The following PHKA1 variants were observed in gnomAD, a reference collection of about 807,000 sequenced individuals.
The protein encoded by PHKA1 is phosphorylase kinase regulatory subunit alpha 1.
PHKA1 carries 60 observed loss-of-function variants against 110.2 expected under a neutral mutation model. The observed-to-expected ratio is 0.54, with a 90% confidence interval of 0.44 to 0.68. The LOEUF (loss-of-function observed/expected upper bound fraction) is 0.68, where lower values mean the gene tolerates loss of function less well. PHKA1 is among the 30% of genes least tolerant of loss of function. PHKA1 has a pLI of 0.00. For synonymous variants in PHKA1, 316 were observed against 333.6 expected, an observed-to-expected ratio of 0.95 and a Z score of 0.58; for missense variants, 801 against 942.5, an observed-to-expected ratio of 0.85 and a Z score of 1.97.
At chrX:72,617,842 TAA>T (rs201696827) in intron 21 of PHKA1, among the ~76,000 whole-genome samples, 2 of 88,215 alleles carry the variant, frequency 2.3e-5, no homozygotes, top group Non-Finnish European at 2.3e-5. Flanking sequence ...ATAAAAAAAA[TAA>T]AAAAAAAAAA....
rs782689323 is a variant in PHKA1 at position 72,667,513 on chromosome X, G to A, written c.619-40C>T. 4 of 1,019,250 alleles carry A rather than the reference G, an allele frequency of 3.9e-6. No homozygotes were observed. In the South Asian group the frequency reaches 7.7e-5, roughly 20 times the overall value. The allele number at this position is 1,019,250 out of a possible 1,213,427, so 84.0% of individuals were successfully genotyped here. A position where few individuals can be genotyped will look rare whatever the true frequency, so the allele number is the denominator to read the frequency against. ...AAAGAAATGGACAAGTTTAGCATTAGAAAGATATATATTTCTTCTCCCTAT... is the reference window on the plus strand; with the variant it reads ...AAAGAAATGGACAAGTTTAGCATTAAAAAGATATATATTTCTTCTCCCTAT... On this transcript the variant is annotated intron_variant, in intron 6 of 31. Coordinates refer to ENST00000373542, the MANE Select transcript of PHKA1 (RefSeq NM_002637.4).
Position 72,652,606 on chromosome X carries a change from T to C in PHKA1, c.1183A>G (p.Met395Val). ...QNPHTVDRVP[M>V]GKLPHMWGQS... Reference sequence around the variant, plus strand: ...CCCCACATGTGAGGCAATTTCCCCATGGGGACTCGGTCCACAGTGTGAGGA... The same window carrying C: ...CCCCACATGTGAGGCAATTTCCCCACGGGGACTCGGTCCACAGTGTGAGGA... The change falls in exon 12 of 32, where the codon ATG (methionine) becomes GTG (valine). Residue 395 changes from methionine to valine, a missense_variant. By Grantham distance (21) the Met-to-Val change is conservative. Coordinates refer to ENST00000373542, the MANE Select transcript of PHKA1 (RefSeq NM_002637.4). The C allele has an allele frequency of 8.4e-7, 1 of 1,195,734 alleles. No homozygotes were observed. Among genetic ancestry groups the C allele is most frequent in the Non-Finnish European group, 1.1e-6 (1 of 881,134 alleles).
intron 16 of PHKA1, among the ~76,000 whole-genome samples, chrX:72,633,578 G>A (rs1278375239): frequency 1.8e-5 from 2 of 110,958 alleles, no homozygotes; most frequent in East Asian, 2.8e-4. Flanking sequence ...ATCTGAGTTG[G>A]GTGTTGCTTA....
chrX:72,626,065 CA>C (rs2053059839), intron 17 of PHKA1, among the ~76,000 whole-genome samples: 1 of 109,252 alleles, frequency 9.2e-6, no homozygotes, highest in African/African-American at 3.3e-5. Flanking sequence ...CATGTGTGTA[CA>C]TGTGTGTATA....
chrX:72,669,306 C>A (rs2053650907), intron 6 of PHKA1, among the ~76,000 whole-genome samples: 2 of 111,706 alleles, frequency 1.8e-5, no homozygotes, highest in Non-Finnish European at 3.8e-5. Flanking sequence ...TGTGGTTCCA[C>A]CCCTGTGACA....
chrX:72,685,755 T>C (rs1347766053), intron 4 of PHKA1, among the ~76,000 whole-genome samples: 1 of 112,282 alleles, frequency 8.9e-6, no homozygotes, highest in African/African-American at 3.2e-5. Flanking sequence ...AGGAAGCTAA[T>C]TTTTCCTTTC....
chrX:72,659,965 A>AC (rs782433113), intron 8 of PHKA1, among the ~76,000 whole-genome samples: 70 of 112,302 alleles, frequency 6.2e-4, no homozygotes, highest in African/African-American at 2.2e-3. Context: ...TAATTTGCTA[A>AC]CCCCTGAACT....
At chrX:72,681,393 T>TGG (rs1293049179) in intron 5 of PHKA1, among the ~76,000 whole-genome samples, 179 of 82,555 alleles carry the variant, frequency 2.2e-3, no homozygotes, top group African/African-American at 7.6e-3. Flanking sequence ...GGGAGGGAGG[T>TGG]GGGGGGGGGT....
chrX:72,583,809 C>A (rs2052372720), intron 30 of PHKA1, among the ~76,000 whole-genome samples: 1 of 112,055 alleles, frequency 8.9e-6, no homozygotes, highest in African/African-American at 3.2e-5. Context: ...ACGTCCCATC[C>A]CTGGAGATTC....
intron 28 of PHKA1, among the ~76,000 whole-genome samples, chrX:72,598,382 T>G (rs984280795): frequency 9.0e-6 from 1 of 111,464 alleles, no homozygotes; most frequent in Non-Finnish European, 1.9e-5. Flanking sequence ...GTAAAGAAAT[T>G]GGAACTCTCA....
Position 72,666,415 on chromosome X carries a change from A to G in PHKA1, c.718-118T>C, listed in dbSNP as rs367876613. ...TATGTTTGACAAAATAGAAAAGAAC[A>G]TTCTTTATCTATTTTAAGTAGGTTA... On this transcript the variant is annotated intron_variant, in intron 7 of 31. Coordinates refer to ENST00000373542, the MANE Select transcript of PHKA1 (RefSeq NM_002637.4). 12 of 613,040 alleles carry G rather than the reference A, an allele frequency of 2.0e-5. No homozygotes were observed. In the South Asian group the frequency reaches 3.1e-4, roughly 16 times the overall value. 50.5% of individuals were successfully genotyped at this position (613,040 alleles called of 1,213,427 possible). A position where few individuals can be genotyped will look rare whatever the true frequency, so the allele number is the denominator to read the frequency against.
At chrX:72,669,221 C>T (rs2053649454) in intron 6 of PHKA1, among the ~76,000 whole-genome samples, 1 of 110,971 alleles carries the variant, frequency 9.0e-6, no homozygotes, top group African/African-American at 3.3e-5. Flanking sequence ...GGTGGTCCTG[C>T]CCTAGTGGGA....
rs148051266 is a variant in PHKA1 at position 72,592,120 on chromosome X, T to G, written c.3243+984A>C. On this transcript the variant is annotated intron_variant, in intron 29 of 31. Coordinates refer to ENST00000373542, the MANE Select transcript of PHKA1 (RefSeq NM_002637.4). ...ATTATCTGTTTTGTTCTTTGCTGTA[T>G]GAGCACATAGAACATTGCCATAATC... Among the ~76,000 whole-genome samples, 123 of 112,661 alleles carry G rather than the reference T, an allele frequency of 1.1e-3. 1 individual carries two copies. The Middle Eastern group carries it at 0.019, about 17-fold the overall frequency.
intron 17 of PHKA1, among the ~76,000 whole-genome samples, chrX:72,624,975 A>G (rs974174706): frequency 2.0e-4 from 23 of 112,587 alleles, no homozygotes; most frequent in African/African-American, 7.4e-4. Context: ...CCAAAGAGAT[A>G]TAACAACTAA....
chrX:72,603,029 AG>A (rs2052678282), intron 26 of PHKA1, 89 bp downstream of exon 26: 2 of 589,851 alleles, frequency 3.4e-6, no homozygotes, highest in East Asian at 7.1e-5. Context: ...TTGGGGAAAA[AG>A]GTTTCTGTGA....
intron 6 of PHKA1, among the ~76,000 whole-genome samples, chrX:72,675,094 AG>A (rs1421172295): frequency 2.7e-5 from 3 of 109,400 alleles, no homozygotes; most frequent in Non-Finnish European, 5.7e-5. Flanking sequence ...AGGCTGAAGC[AG>A]GAGAATCTCT....
At chrX:72,658,754 AG>A (rs2053527250) in intron 8 of PHKA1, among the ~76,000 whole-genome samples, 1 of 112,088 alleles carries the variant, frequency 8.9e-6, no homozygotes, top group African/African-American at 3.2e-5. Context: ...CATATTGGGA[AG>A]GATACCACAG....
Position 72,713,837 on chromosome X carries a change from G to C in PHKA1, c.44C>G (p.Ala15Gly), listed in dbSNP as rs782659023. 2.9e-5 allele frequency: 35 copies of C among 1,207,521 alleles called. No homozygotes were observed. The highest frequency in any genetic ancestry group is 3.8e-5 in the Non-Finnish European group (34 of 892,610). The change falls in exon 1 of 32, where the codon GCT (alanine) becomes GGT (glycine). Residue 15 changes from alanine to glycine, a missense_variant. By Grantham distance (60) the Ala-to-Gly change is moderately conservative. Coordinates refer to ENST00000373542, the MANE Select transcript of PHKA1 (RefSeq NM_002637.4). The stretch of plus-strand genomic sequence containing the variant: ...CAGGATGGTCTGTTGCACCAGTCGA[G>C]CGTAGCCGTCCAGCCGGACCCCGGA... ...SNSGVRLDGYARLVQQTILCH... is the reference protein window; with the variant it reads ...SNSGVRLDGYGRLVQQTILCH...
chrX:72,601,990 C>A lies in PHKA1; in HGVS notation c.3072+1G>T. The A allele has an allele frequency of 8.4e-7, 1 of 1,193,138 alleles. No homozygotes were observed. Among genetic ancestry groups the A allele is most frequent in the Non-Finnish European group, 1.1e-6 (1 of 879,909 alleles). On this transcript the variant is annotated splice_donor_variant, in intron 28 of 31. Coordinates refer to ENST00000373542, the MANE Select transcript of PHKA1 (RefSeq NM_002637.4). LOFTEE classifies it high-confidence loss of function. Reference sequence around the variant, plus strand: ...TGTTAAATGATCCCTAGTTGTTTCACCTGACTCTCAGCTGAGATTGACAGT... The same window carrying A: ...TGTTAAATGATCCCTAGTTGTTTCAACTGACTCTCAGCTGAGATTGACAGT...
Sources: allele counts gnomAD v4.1 joint callset (sites outside exome capture counted in the v4.1 genomes callset), GRCh38; gene constraint gnomAD v4.1.1; transcripts MANE v1.5; gene names NCBI Gene and HGNC (gene_info 2026-07-23, HGNC 2026-07-21).